Variants in TUBGCP3 observed in about 807,000 individuals in gnomAD.
The protein encoded by TUBGCP3 is gamma-tubulin complex component 3.
A neutral mutation model predicts 123.1 loss-of-function variants in TUBGCP3; 50 were observed. That is an observed-to-expected ratio of 0.41 (90% CI 0.32 to 0.51). The LOEUF (loss-of-function observed/expected upper bound fraction) is 0.51. TUBGCP3 is among the 20% of genes least tolerant of loss of function. The pLI is 0.36. For missense variants in TUBGCP3, 882 were observed against 1,127.0 expected (o/e 0.78, Z 3.11); for synonymous variants, 405 against 413.9 (o/e 0.98, Z 0.26).
the TUBGCP3 span, among the ~76,000 whole-genome samples, chr13:112,601,365 C>T: frequency 1.3e-5 from 2 of 152,124 alleles, no homozygotes; most frequent in East Asian, 3.9e-4. Flanking sequence ...CTTCAGTTTA[C>T]TTATAAACTG....
At chr13:112,493,923 A>ATGGGAACATGGCC (rs1880338587) in intron 20 of TUBGCP3, among the ~76,000 whole-genome samples, 2 of 145,652 alleles carry the variant, frequency 1.4e-5, no homozygotes, top group Non-Finnish European at 3.0e-5. Context: ...CGTTCTGGCT[A>ATGGGAACATGGCC]TGGGAACATG....
intron 13 of TUBGCP3, 35 bp downstream of exon 13, chr13:112,526,907 T>A: frequency 6.9e-7 from 1 of 1,449,886 alleles, no homozygotes; most frequent in Middle Eastern, 1.7e-4. Flanking sequence ...CATCACACCA[T>A]TGCCATCATC....
At chr13:112,553,956 G>C in intron 8 of TUBGCP3, 101 bp downstream of exon 8, 1 of 1,521,214 alleles carries the variant, frequency 6.6e-7, no homozygotes, top group Non-Finnish European at 8.8e-7. Context: ...GCTTTACTTG[G>C]AAAGAGCCTT....
chr13:112,573,062 G>A (rs1881540100), intron 1 of TUBGCP3, among the ~76,000 whole-genome samples: 1 of 151,522 alleles, frequency 6.6e-6, no homozygotes, highest in African/African-American at 2.4e-5. Flanking sequence ...GATACCTGAG[G>A]GCATCATCTA....
At chr13:112,554,784 C>G in intron 7 of TUBGCP3, 103 bp downstream of exon 7, 1 of 772,752 alleles carries the variant, frequency 1.3e-6, no homozygotes, top group Non-Finnish European at 2.1e-6. Context: ...ACAACCGATT[C>G]GCAAAACCCC....
At chr13:112,518,682 A>G (rs951769287) in intron 16 of TUBGCP3, among the ~76,000 whole-genome samples, 3 of 152,244 alleles carry the variant, frequency 2.0e-5, no homozygotes, top group Non-Finnish European at 2.9e-5. Flanking sequence ...TTGCCACAGT[A>G]TAAGAATAAT....
intron 16 of TUBGCP3, among the ~76,000 whole-genome samples, chr13:112,518,116 C>A (rs1031305707): frequency 2.0e-5 from 3 of 152,122 alleles, no homozygotes; most frequent in African/African-American, 7.2e-5. Flanking sequence ...ACCAGCAGTT[C>A]CCATCTCACT....
chr13:112,524,302 GT>G lies in TUBGCP3; in HGVS notation c.1556-1794del, dbSNP rs374469169. On this transcript the variant is annotated intron_variant, in intron 13 of 21. Coordinates refer to ENST00000261965, the MANE Select transcript of TUBGCP3 (RefSeq NM_006322.6). This position sits in a 1 kb window ranked among gnomAD's most constrained non-coding sequence, Gnocchi z 4.4. ...TTTTAGTGGCTGCCTTTTTTTAAGTGTTTTTGATCCTCAGTTGATTGAATCT... is the reference window on the plus strand; with the variant it reads ...TTTTAGTGGCTGCCTTTTTTTAAGTGTTTTGATCCTCAGTTGATTGAATCT... Among the ~76,000 whole-genome samples, 9 of 152,120 alleles carry G rather than the reference GT, an allele frequency of 5.9e-5. No homozygotes were observed. Among genetic ancestry groups the G allele is most frequent in the African/African-American group, 2.2e-4 (9 of 41,418 alleles).
At chr13:112,548,587 C>G (rs1389687102) in intron 8 of TUBGCP3, among the ~76,000 whole-genome samples, 1 of 152,200 alleles carries the variant, frequency 6.6e-6, no homozygotes, top group Non-Finnish European at 1.5e-5. Flanking sequence ...ATCTACCCTT[C>G]TGACAAAGGG....
chr13:112,488,201 C>A lies in TUBGCP3; in HGVS notation c.2565+1380G>T, dbSNP rs73566304. ...TAGATGCCCACAGAAAGAGCGAGTG[C>A]GGTCTCACTTTCAATTTTGAACCAC... On this transcript the variant is annotated intron_variant, in intron 21 of 21. Transcript: ENST00000261965. Among the ~76,000 whole-genome samples, 897 of 150,282 alleles carry A rather than the reference C, an allele frequency of 6.0e-3. 4 individuals are homozygous for A. The highest frequency in any genetic ancestry group is 0.021 in the African/African-American group (857 of 40,708).
chr13:112,519,185 T>C lies in TUBGCP3; in HGVS notation c.1882-142A>G. On this transcript the variant is annotated intron_variant, in intron 15 of 21. Transcript: ENST00000261965. This position sits in a 1 kb window ranked among gnomAD's most constrained non-coding sequence, Gnocchi z 6.2. The stretch of plus-strand genomic sequence containing the variant: ...CTGAGTGCATCTTCTTGTTAACTTC[T>C]ACAACCTCACCAATTAGGCAATAAT... 1 of 678,296 alleles carries C rather than the reference T, an allele frequency of 1.5e-6. No individual in the cohort carries two copies. Among genetic ancestry groups the C allele is most frequent in the South Asian group, 1.7e-5 (1 of 57,232 alleles). 42.0% of individuals were successfully genotyped at this position (678,296 alleles called of 1,614,324 possible). A position where few individuals can be genotyped will look rare whatever the true frequency, so the allele number is the denominator to read the frequency against.
At chr13:112,578,030 C>A (rs1328136821) in intron 1 of TUBGCP3, among the ~76,000 whole-genome samples, 1 of 152,072 alleles carries the variant, frequency 6.6e-6, no homozygotes, top group African/African-American at 2.4e-5. Context: ...GTCTGACTAA[C>A]GTAAAAGAGT....
chr13:112,558,137 C>T (rs1157294074), intron 5 of TUBGCP3, 59 bp downstream of exon 5: 1 of 1,520,814 alleles, frequency 6.6e-7, no homozygotes, highest in African/African-American at 1.4e-5. Context: ...TGGTTAACAG[C>T]CTGCAGGCGT....
At chr13:112,564,975 T>C in intron 3 of TUBGCP3, 136 bp downstream of exon 3, 1 of 658,082 alleles carries the variant, frequency 1.5e-6, no homozygotes, top group South Asian at 3.4e-5. Flanking sequence ...AAAAAGCAAA[T>C]GCTATCTATA....
intron 17 of TUBGCP3, among the ~76,000 whole-genome samples, chr13:112,515,297 C>T (rs962439893): frequency 2.6e-5 from 4 of 152,118 alleles, no homozygotes; most frequent in African/African-American, 9.7e-5. Context: ...ATGACAGCAT[C>T]GGTTTGGCCT....
At chr13:112,533,913 C>T (rs550191804) in intron 11 of TUBGCP3, among the ~76,000 whole-genome samples, 1 of 151,460 alleles carries the variant, frequency 6.6e-6, no homozygotes, top group Non-Finnish European at 1.5e-5. Flanking sequence ...GCACCCATCA[C>T]CCGAGCAGTG....
chr13:112,595,405 G>A, the TUBGCP3 span, among the ~76,000 whole-genome samples: 1 of 152,118 alleles, frequency 6.6e-6, no homozygotes, highest in African/African-American at 2.4e-5. Flanking sequence ...CACCATGTTA[G>A]CCAGGATGGT....
intron 11 of TUBGCP3, among the ~76,000 whole-genome samples, chr13:112,528,491 C>T (rs1182625036): frequency 2.6e-5 from 4 of 152,178 alleles, no homozygotes; most frequent in Non-Finnish European, 4.4e-5. Flanking sequence ...TTTCATAGTT[C>T]TAATTGCCAT....
chr13:112,548,690 C>T (rs951186069), intron 8 of TUBGCP3, among the ~76,000 whole-genome samples: 5 of 152,188 alleles, frequency 3.3e-5, no homozygotes, highest in Admixed American at 6.5e-5. Flanking sequence ...TGAACAGACA[C>T]TTCTCAAAAG....
Sources: gnomAD v4.1 joint callset for allele counts (sites outside exome capture counted in the v4.1 genomes callset) on GRCh38, gnomAD v4.1.1 for gene constraint, Gnocchi (gnomAD v3.1) non-coding constraint, MANE v1.5 for transcripts, NCBI Gene and HGNC (gene_info 2026-07-23, HGNC 2026-07-21) for gene names.